Variants in GPR158 observed in about 807,000 individuals in gnomAD.
GPR158 encodes metabotropic glycine receptor.
A neutral mutation model predicts 78.2 loss-of-function variants in GPR158; 30 were observed. That is an observed-to-expected ratio of 0.38 (90% confidence interval 0.29 to 0.52). The LOEUF is 0.52. GPR158 is among the 20% of genes least tolerant of loss of function. The pLI is 0.83. For missense variants in GPR158, 1,463 were observed against 1,523.5 expected (o/e 0.96, Z 0.66); for synonymous variants, 581 against 591.1 (o/e 0.98, Z 0.25).
intron 2 of GPR158, among the ~76,000 whole-genome samples, chr10:25,321,599 CA>C (rs1854948478): frequency 6.6e-6 from 1 of 152,072 alleles, no homozygotes; most frequent in Non-Finnish European, 1.5e-5. Context: ...GGACCTGTCA[CA>C]AAGAACTATT....
In GPR158 at chr10:25,598,311, A is replaced by C. The variant is rs150607246; in HGVS notation, c.2685A>C (p.Arg895=). The C allele has an allele frequency of 1.0e-4, 163 of 1,614,122 alleles. No homozygotes were observed. The African/African-American group carries it at 1.6e-3, about 16-fold the overall frequency. The change falls in exon 11 of 11, where the codon CGA becomes CGC. Residue 895 remains arginine (R), a synonymous_variant. Coordinates refer to ENST00000376351, the MANE Select transcript of GPR158 (RefSeq NM_020752.3). ...LSSEKKTGHP[R]TSMLQKSLSV... is the part of the protein sequence containing the mutation. Reference sequence around the variant, plus strand: ...CAGAGAAGAAAACTGGGCACCCACGAACATCGATGTTACAGAAGTCTCTCA... The same window carrying C: ...CAGAGAAGAAAACTGGGCACCCACGCACATCGATGTTACAGAAGTCTCTCA...
intron 5 of GPR158, among the ~76,000 whole-genome samples, chr10:25,521,749 A>G (rs995226577): frequency 6.6e-6 from 1 of 152,230 alleles, no homozygotes; most frequent in Non-Finnish European, 1.5e-5. Context: ...CACATGGGCC[A>G]TGCTAATGCA....
At chr10:25,256,179 A>C (rs1463283496) in intron 2 of GPR158, among the ~76,000 whole-genome samples, 1 of 152,202 alleles carries the variant, frequency 6.6e-6, no homozygotes, top group East Asian at 1.9e-4. Context: ...GACTGAAAAA[A>C]AAAAAACCTT....
chr10:25,562,808 C>T (rs1353030545), intron 6 of GPR158, among the ~76,000 whole-genome samples: 2 of 152,150 alleles, frequency 1.3e-5, no homozygotes, highest in African/African-American at 2.4e-5. Flanking sequence ...TGATGCTGTT[C>T]GAGTCCTTTG....
At chr10:25,429,857 A>G (rs1035569897) in intron 4 of GPR158, among the ~76,000 whole-genome samples, 1 of 141,526 alleles carries the variant, frequency 7.1e-6, no homozygotes, top group Non-Finnish European at 1.5e-5. Flanking sequence ...GATGGGACGT[A>G]TCTCAAAATA....
intron 2 of GPR158, among the ~76,000 whole-genome samples, chr10:25,304,123 TTTAC>T (rs1854634887): frequency 6.6e-6 from 1 of 151,788 alleles, no homozygotes; most frequent in Non-Finnish European, 1.5e-5. Context: ...TGTTTTTTCG[TTTAC>T]TTGTTTGTTT....
intron 5 of GPR158, among the ~76,000 whole-genome samples, chr10:25,501,557 T>A (rs1835946336): frequency 6.6e-6 from 1 of 152,212 alleles, no homozygotes; most frequent in African/African-American, 2.4e-5. Flanking sequence ...ATGAAATACT[T>A]GCTGAATGAA....
At chr10:25,376,347 A>T (rs1012100129) in intron 2 of GPR158, among the ~76,000 whole-genome samples, 7 of 151,514 alleles carry the variant, frequency 4.6e-5, no homozygotes, top group Admixed American at 2.0e-4. Context: ...AAACATTTTA[A>T]ATTATAGGGT....
In GPR158 at chr10:25,210,639, T is replaced by C. The variant is rs1350911719; in HGVS notation, c.903-10413T>C. The stretch of plus-strand genomic sequence containing the variant: ...CAATGTGCTCAAGCATTTCTTCATA[T>C]GCTTGTGGGCCTATTGGGTTTACTT... On this transcript the variant is annotated intron_variant, in intron 1 of 10. Transcript: ENST00000376351. Among the ~76,000 whole-genome samples, 3 of 152,242 alleles carry C rather than the reference T, an allele frequency of 2.0e-5. No individual in the cohort carries two copies. In the East Asian group the frequency reaches 5.8e-4, roughly 29 times the overall value.
intron 2 of GPR158, among the ~76,000 whole-genome samples, chr10:25,241,193 T>TCCTTC (rs1554787153): frequency 9.8e-6 from 1 of 101,660 alleles, no homozygotes; most frequent in Non-Finnish European, 1.8e-5. Flanking sequence ...TTCTTTCCTT[T>TCCTTC]CTTTCTTTCC....
intron 6 of GPR158, among the ~76,000 whole-genome samples, chr10:25,555,119 T>C (rs956255894): frequency 2.0e-4 from 30 of 151,994 alleles, no homozygotes; most frequent in African/African-American, 7.2e-4. Context: ...AAAGAGGTTA[T>C]TGTAGCCTTG....
At chr10:25,361,268 C>T (rs1207718472) in intron 2 of GPR158, among the ~76,000 whole-genome samples, 2 of 151,758 alleles carry the variant, frequency 1.3e-5, no homozygotes, top group African/African-American at 2.4e-5. Context: ...ATGGGATTTC[C>T]TTCTTTTTTA....
intron 6 of GPR158, among the ~76,000 whole-genome samples, chr10:25,565,676 G>C (rs7358105): frequency 0.26 from 39,403 of 152,146 alleles, 9,594 homozygotes; most frequent in African/African-American, 0.61. Context: ...TCCCCTCACT[G>C]GGCCTCAGAA....
Position 25,599,068 on chromosome 10 carries a change from G to T in GPR158, c.3442G>T (p.Glu1148Ter), listed in dbSNP as rs754433053. ...CCAGGAAAAAAAGACATCTTCTTCT[G>T]AGGAGAATGTGCGTGGCTCCTATAA... ...GHQEKKTSSS[E>*]ENVRGSYNSS... The change falls in exon 11 of 11, where the codon GAG becomes TAG. Residue 1148 changes from glutamate (E) to a stop codon, truncating the protein, a stop_gained. Transcript: ENST00000376351. LOFTEE classifies it low-confidence loss of function (END_TRUNC). 30 of 1,613,662 alleles carry T rather than the reference G, an allele frequency of 1.9e-5. No homozygotes were observed. The East Asian group carries it at 6.7e-4, about 36-fold the overall frequency.
intron 2 of GPR158, among the ~76,000 whole-genome samples, chr10:25,255,078 A>T (rs1435993355): frequency 1.3e-5 from 2 of 152,170 alleles, no homozygotes; most frequent in Non-Finnish European, 2.9e-5. Context: ...CAGTCTCTCC[A>T]GTTATGTAAA....
chr10:25,434,830 T>A (rs559016715), intron 4 of GPR158, among the ~76,000 whole-genome samples: 12 of 152,266 alleles, frequency 7.9e-5, no homozygotes, highest in Admixed American at 5.2e-4. Flanking sequence ...ATAAACCTAG[T>A]CTCCTAGGGT....
intron 2 of GPR158, among the ~76,000 whole-genome samples, chr10:25,283,628 A>G (rs185378591): frequency 2.6e-5 from 4 of 151,818 alleles, no homozygotes; most frequent in African/African-American, 9.6e-5. Flanking sequence ...ATTTTTGCTC[A>G]TATTTTTACT....
Position 25,175,549 on chromosome 10 carries a change from G to A in GPR158, c.129G>A (p.Lys43=). Residue 43 remains lysine (K), a synonymous_variant, in exon 1 of 11, where the codon AAG becomes AAA. Transcript: ENST00000376351. This position sits in a 1 kb window ranked among gnomAD's most constrained non-coding sequence, Gnocchi z 6.4. ...DSPRERTPKG[K]PHAQQPGRAS... ...CTCGAGAGAGGACCCCGAAGGGGAA[G>A]CCGCACGCCCAGCAGCCGGGTCGAG... is the stretch of plus-strand genomic sequence containing the variant. The A allele has an allele frequency of 6.2e-7, 1 of 1,611,608 alleles. No individual in the cohort carries two copies. The highest frequency in any genetic ancestry group is 8.5e-7 in the Non-Finnish European group (1 of 1,179,854).
chr10:25,491,711 CAT>C (rs1835811210), intron 5 of GPR158, among the ~76,000 whole-genome samples: 1 of 151,944 alleles, frequency 6.6e-6, no homozygotes, highest in Non-Finnish European at 1.5e-5. Flanking sequence ...AAAAAATACC[CAT>C]AGTTCTATTT....
Sources: allele counts gnomAD v4.1 joint callset (sites outside exome capture counted in the v4.1 genomes callset), GRCh38; gene constraint gnomAD v4.1.1; non-coding constraint Gnocchi (gnomAD v3.1); transcripts MANE v1.5; gene names NCBI Gene and HGNC (gene_info 2026-07-23, HGNC 2026-07-21).